CNTN5: variants seen among roughly 807,000 people sequenced by gnomAD.
CNTN5 encodes the protein contactin 5.
In CNTN5, 77 loss-of-function variants were observed where a neutral mutation model predicts 129.1. The ratio of observed to expected loss-of-function variants is 0.60; its 90% CI spans 0.50 to 0.72. The LOEUF is 0.72. Among genes scored for constraint, CNTN5 ranks in the 30% least tolerant of loss-of-function variants. The pLI is 0.00. For synonymous variants in CNTN5, 509 were observed against 465.6 expected (o/e 1.09, Z -1.20); for missense variants, 1,478 against 1,328.8 (o/e 1.11, Z -1.75).
At chr11:99,888,068 T>G (rs1342283229) in intron 6 of CNTN5, among the ~76,000 whole-genome samples, 1 of 152,194 alleles carries the variant, frequency 6.6e-6, no homozygotes, top group Admixed American at 6.5e-5. Flanking sequence ...CACAATAGCT[T>G]CTACATCATA....
At position 99,562,029 on chromosome 11, in the gene CNTN5, G is replaced by A. The variant is rs1056474167; in HGVS notation, c.55+5760G>A. ...TTGAAAAACTGCAGACACAGGACTG[G>A]CTCTGAGAAGTTGCCCTTTTGTAAG... On this transcript the variant is annotated intron_variant, in intron 3 of 24. Transcript: ENST00000524871. 1.3e-4 allele frequency among the ~76,000 whole-genome samples: 20 copies of A among 152,210 alleles called. No homozygotes were observed. In the East Asian group the frequency reaches 3.9e-3, roughly 29 times the overall value.
chr11:99,836,311 G>A (rs1321630547), intron 4 of CNTN5, among the ~76,000 whole-genome samples: 1 of 91,438 alleles, frequency 1.1e-5, no homozygotes, highest in African/African-American at 4.4e-5. Context: ...ACCCCCGACA[G>A]GCCCTGGTGT....
At chr11:100,327,570 A>C (rs2138977891) in intron 21 of CNTN5, among the ~76,000 whole-genome samples, 1 of 152,152 alleles carries the variant, frequency 6.6e-6, no homozygotes, top group Admixed American at 6.5e-5. Context: ...TCTGATCAAA[A>C]CCCGAGTTTT....
intron 6 of CNTN5, among the ~76,000 whole-genome samples, chr11:99,905,331 G>C (rs1949470224): frequency 6.6e-6 from 1 of 152,150 alleles, no homozygotes; most frequent in Admixed American, 6.5e-5. Context: ...GTGTAAGGAA[G>C]GGGTCCAGTT....
At chr11:99,582,136 G>T (rs1227735097) in intron 3 of CNTN5, among the ~76,000 whole-genome samples, 1 of 152,082 alleles carries the variant, frequency 6.6e-6, no homozygotes, top group Non-Finnish European at 1.5e-5. Flanking sequence ...TTTTCTTTAA[G>T]AATGTTGAAT....
At chr11:99,871,649 TATG>T (rs1293224407) in intron 6 of CNTN5, among the ~76,000 whole-genome samples, 1 of 152,022 alleles carries the variant, frequency 6.6e-6, no homozygotes, top group Non-Finnish European at 1.5e-5. Context: ...GGAGGAAAAA[TATG>T]ATGAATATTT....
chr11:100,348,977 CATGAG>C (rs1309619256), intron 23 of CNTN5, among the ~76,000 whole-genome samples: 1 of 151,952 alleles, frequency 6.6e-6, no homozygotes, highest in Non-Finnish European at 1.5e-5. Context: ...GCCTGGCCTG[CATGAG>C]ATGTCCAATA....
At chr11:99,371,701 T>G (rs1301022958) in intron 2 of CNTN5, among the ~76,000 whole-genome samples, 1 of 152,316 alleles carries the variant, frequency 6.6e-6, no homozygotes, top group African/African-American at 2.4e-5. Context: ...TAGTTTCACC[T>G]TGAGTAATTT....
chr11:99,029,531 C>A (rs1863263252), intron 1 of CNTN5, among the ~76,000 whole-genome samples: 1 of 151,904 alleles, frequency 6.6e-6, no homozygotes, highest in South Asian at 2.1e-4. Flanking sequence ...CAGAAATGGT[C>A]ATTGTGGTGA....
intron 14 of CNTN5, 112 bp from the exon 15 acceptor site, chr11:100,193,376 G>A: frequency 1.6e-6 from 1 of 631,780 alleles, no homozygotes; most frequent in Non-Finnish European, 2.5e-6. Context: ...ATATGTATCT[G>A]GAGCAACTGT....
At chr11:99,464,501 AAAG>A (rs1944858033) in intron 2 of CNTN5, among the ~76,000 whole-genome samples, 5 of 152,218 alleles carry the variant, frequency 3.3e-5, no homozygotes, top group Admixed American at 2.6e-4. Context: ...GAGTATAAAA[AAAG>A]AAGATGTCTA....
chr11:99,832,388 C>A (rs1326638224), intron 4 of CNTN5, among the ~76,000 whole-genome samples: 1 of 152,152 alleles, frequency 6.6e-6, no homozygotes, highest in Non-Finnish European at 1.5e-5. Context: ...TTACTGCATC[C>A]TCTGACCTCT....
chr11:99,884,925 C>T (rs1015821538), intron 6 of CNTN5, among the ~76,000 whole-genome samples: 1 of 151,902 alleles, frequency 6.6e-6, no homozygotes, highest in Non-Finnish European at 1.5e-5. Flanking sequence ...TGCAGTCAGC[C>T]GATGTAGTAC....
At chr11:99,403,005 CTTCTT>C (rs756802077) in intron 2 of CNTN5, among the ~76,000 whole-genome samples, 3 of 48,158 alleles carry the variant, frequency 6.2e-5, no homozygotes, top group Non-Finnish European at 7.2e-5. Flanking sequence ...TTTTGTTAAA[CTTCTT>C]TTTTTTTTTT....
chr11:100,137,544 A>C (rs1175147930), intron 13 of CNTN5, among the ~76,000 whole-genome samples: 1 of 152,096 alleles, frequency 6.6e-6, no homozygotes, highest in African/African-American at 2.4e-5. Flanking sequence ...TTAAATAGCT[A>C]TCTCAAATTA....
chr11:99,312,814 T>TA (rs947938256), intron 1 of CNTN5, among the ~76,000 whole-genome samples: 1 of 5,680 alleles, frequency 1.8e-4, no homozygotes, highest in Non-Finnish European at 5.6e-4. Context: ...AATTAAGTGA[T>TA]TTTTTTTTTT....
rs555941018 is a variant in CNTN5, at chr11:99,294,247, C to T, written c.-209-31099C>T. On this transcript the variant is annotated intron_variant, in intron 1 of 24. Coordinates refer to ENST00000524871, the MANE Select transcript of CNTN5 (RefSeq NM_014361.4). The stretch of plus-strand genomic sequence containing the variant: ...TCTTGTTTGTGCCCTTGTTTGCAAA[C>T]GTGACCTTCTACTTACAAAATCTAA... 4.6e-5 allele frequency among the ~76,000 whole-genome samples: 7 copies of T among 152,116 alleles called. No individual in the cohort carries two copies. The South Asian group carries it at 1.0e-3, about 23-fold the overall frequency.
At chr11:99,222,826 G>A (rs189844169) in intron 1 of CNTN5, among the ~76,000 whole-genome samples, 4 of 152,102 alleles carry the variant, frequency 2.6e-5, no homozygotes, top group African/African-American at 4.8e-5. Flanking sequence ...TTGTCTAGTC[G>A]CCATTCTTAA....
chr11:99,481,688 C>T (rs1483205594), intron 2 of CNTN5, among the ~76,000 whole-genome samples: 1 of 152,144 alleles, frequency 6.6e-6, no homozygotes, highest in Non-Finnish European at 1.5e-5. Context: ...ATTTCCTTCT[C>T]TAAGTGTTGA....
Sources: allele counts gnomAD v4.1 joint callset (sites outside exome capture counted in the v4.1 genomes callset), GRCh38; gene constraint gnomAD v4.1.1; transcripts MANE v1.5; gene names NCBI Gene and HGNC (gene_info 2026-07-23, HGNC 2026-07-21).